EPS15L1: variants seen among roughly 807,000 people sequenced by gnomAD.
The protein encoded by EPS15L1 is epidermal growth factor receptor substrate 15-like 1.
Under a neutral mutation model 117.1 loss-of-function variants are expected in EPS15L1, and 43 were observed. That is an observed-to-expected ratio of 0.37 (90% CI 0.29 to 0.47). EPS15L1 has a LOEUF of 0.47. Ranked by LOEUF, EPS15L1 falls within the 20% of genes least tolerant of loss-of-function variation. The probability of loss-of-function intolerance (pLI) is 0.99; values close to 1 mark genes in which losing one functional copy is unlikely to be tolerated. For missense variants in EPS15L1, 981 were observed against 1,164.0 expected, an observed-to-expected ratio of 0.84 and a Z score of 2.29; for synonymous variants, 459 against 470.5, an observed-to-expected ratio of 0.98 and a Z score of 0.32.
chr19:16,450,729 C>A (rs1288696409), intron 1 of EPS15L1, among the ~76,000 whole-genome samples: 1 of 151,034 alleles, frequency 6.6e-6, no homozygotes, highest in East Asian at 2.0e-4. Context: ...GTGATCCACC[C>A]GCCTCAGCCT....
intron 12 of EPS15L1, among the ~76,000 whole-genome samples, chr19:16,416,533 G>A (rs542294291): frequency 6.6e-6 from 1 of 152,172 alleles, no homozygotes; most frequent in South Asian, 2.1e-4. Context: ...AGCTTCCTGG[G>A]AGGGTGAGTG....
chr19:16,435,825 A>G (rs1315247288), intron 6 of EPS15L1, among the ~76,000 whole-genome samples: 1 of 152,148 alleles, frequency 6.6e-6, no homozygotes. Context: ...CCCCAATTAC[A>G]GCATCTGGTC....
rs535687752 is a variant in EPS15L1, at chr19:16,373,642, C to T, written c.2380+3480G>A. Reference sequence around the variant, plus strand: ...GCTCTTGCCCATAACCAGAGGCCTCCTGGGCTGCACGTGGGTCTGTGCCGT... The same window carrying T: ...GCTCTTGCCCATAACCAGAGGCCTCTTGGGCTGCACGTGGGTCTGTGCCGT... On this transcript the variant is annotated intron_variant, in intron 22 of 23. Coordinates refer to ENST00000455140, the MANE Select transcript of EPS15L1 (RefSeq NM_001258374.3). Among the ~76,000 whole-genome samples the T allele has an allele frequency of 4.6e-5, 7 of 152,308 alleles. No homozygotes were observed. In the South Asian group the frequency reaches 1.2e-3, roughly 27 times the overall value.
intron 1 of EPS15L1, among the ~76,000 whole-genome samples, chr19:16,461,380 G>A (rs1053158789): frequency 4.0e-5 from 6 of 151,726 alleles, no homozygotes; most frequent in Non-Finnish European, 7.4e-5. Context: ...CAGCACTTTC[G>A]GAGGCCGAGG....
intron 1 of EPS15L1, among the ~76,000 whole-genome samples, chr19:16,446,647 T>C (rs545726959): frequency 6.6e-5 from 10 of 152,262 alleles, no homozygotes; most frequent in African/African-American, 2.4e-4. Context: ...TAGGTGGTCC[T>C]GGAGTCAGAC....
intron 21 of EPS15L1, among the ~76,000 whole-genome samples, chr19:16,378,766 G>A (rs550301995): frequency 5.9e-4 from 90 of 152,316 alleles, no homozygotes; most frequent in Middle Eastern, 3.4e-3. Context: ...AGGCGTCTGA[G>A]GGAAGGGGCT....
intron 21 of EPS15L1, among the ~76,000 whole-genome samples, chr19:16,378,785 C>T (rs1478042938): frequency 6.6e-6 from 1 of 152,042 alleles, no homozygotes; most frequent in Non-Finnish European, 1.5e-5. Flanking sequence ...CTGGGGTGTC[C>T]CAGGAGGGAG....
Position 16,425,350 on chromosome 19 carries a change from C to A in EPS15L1, c.559-34G>T, listed in dbSNP as rs201203201. The A allele has an allele frequency of 3.8e-4, 557 of 1,460,206 alleles. 5 individuals carry two copies. The East Asian group carries it at 0.013, about 35-fold the overall frequency. 90.5% of individuals were successfully genotyped at this position (1,460,206 alleles called of 1,614,324 possible). A position where few individuals can be genotyped will look rare whatever the true frequency, so the allele number is the denominator to read the frequency against. On this transcript the variant is annotated intron_variant, in intron 8 of 23. Transcript: ENST00000455140. ...GCAAACAACAATGGCACTGAAGGGG[C>A]AAGGCTGGGGCCGGGACCATCAGGA...
chr19:16,367,299 G>C (rs1341339217), intron 22 of EPS15L1, among the ~76,000 whole-genome samples: 1 of 151,556 alleles, frequency 6.6e-6, no homozygotes, highest in Non-Finnish European at 1.5e-5. Flanking sequence ...AGACCCTCTT[G>C]GGTGTGCTGA....
intron 22 of EPS15L1, among the ~76,000 whole-genome samples, chr19:16,374,983 T>C (rs1333167249): frequency 2.0e-5 from 3 of 152,228 alleles, no homozygotes; most frequent in East Asian, 3.8e-4. Context: ...TGCATGCACA[T>C]ATATAAGCAT....
chr19:16,372,863 C>A (rs1232028922), intron 22 of EPS15L1, among the ~76,000 whole-genome samples: 1 of 152,234 alleles, frequency 6.6e-6, no homozygotes, highest in African/African-American at 2.4e-5. Context: ...CAGAAACCAG[C>A]CTGATCAAGC....
At chr19:16,363,209 G>A (rs1268407183) in intron 22 of EPS15L1, among the ~76,000 whole-genome samples, 4 of 152,142 alleles carry the variant, frequency 2.6e-5, no homozygotes, top group Admixed American at 1.3e-4. Flanking sequence ...GGCATTCAAC[G>A]TGGTCCACGC....
intron 17 of EPS15L1, among the ~76,000 whole-genome samples, chr19:16,395,076 C>T (rs1000130247): frequency 4.6e-5 from 7 of 151,586 alleles, no homozygotes; most frequent in Non-Finnish European, 7.4e-5. Context: ...AAAAATTAGC[C>T]GGGTGCGGTG....
Position 16,404,497 on chromosome 19 carries a change from G to A in EPS15L1, c.1428+91C>T, listed in dbSNP as rs2092635103. The A allele has an allele frequency of 7.1e-7, 1 of 1,404,212 alleles. No individual in the cohort carries two copies. The highest frequency in any genetic ancestry group is 9.9e-7 in the Non-Finnish European group (1 of 1,012,812). The allele number at this position is 1,404,212 out of a possible 1,614,324, so 87.0% of individuals were successfully genotyped here. A position where few individuals can be genotyped will look rare whatever the true frequency, so the allele number is the denominator to read the frequency against. ...TATTGACCCAGTAGGATGTCTAAGT[G>A]TTGTGTTCCCAGGTAACACGAGCTC... is the stretch of plus-strand genomic sequence containing the variant. On this transcript the variant is annotated intron_variant, in intron 14 of 23. Transcript: ENST00000455140. The surrounding 1 kb of genome is among the most constrained non-coding windows in gnomAD (Gnocchi z 4.2).
intron 20 of EPS15L1, among the ~76,000 whole-genome samples, chr19:16,385,740 C>T (rs1315290931): frequency 6.6e-6 from 1 of 152,076 alleles, no homozygotes; most frequent in African/African-American, 2.4e-5. Flanking sequence ...CAGATGCTCC[C>T]ATTGCATAAA....
At chr19:16,448,549 G>T (rs539455739) in intron 1 of EPS15L1, among the ~76,000 whole-genome samples, 15 of 144,712 alleles carry the variant, frequency 1.0e-4, no homozygotes, top group East Asian at 6.6e-4. Flanking sequence ...AAAAAAAAAG[G>T]GGGGGGGAGA....
chr19:16,425,738 G>A (rs914784875), intron 8 of EPS15L1, among the ~76,000 whole-genome samples: 1 of 152,156 alleles, frequency 6.6e-6, no homozygotes, highest in South Asian at 2.1e-4. Flanking sequence ...CCAGGAGATG[G>A]AGGCTGCAGT....
chr19:16,439,435 T>C (rs2093008496), intron 4 of EPS15L1, among the ~76,000 whole-genome samples: 1 of 152,200 alleles, frequency 6.6e-6, no homozygotes, highest in Non-Finnish European at 1.5e-5. Flanking sequence ...CTCATGCCTA[T>C]AATCCCAGCA....
chr19:16,369,816 C>T (rs1436212752), intron 22 of EPS15L1, among the ~76,000 whole-genome samples: 1 of 152,090 alleles, frequency 6.6e-6, no homozygotes, highest in Non-Finnish European at 1.5e-5. Flanking sequence ...TTTGAAAATT[C>T]GCATTTGTTC....
Sources: gnomAD v4.1 joint callset for allele counts (sites outside exome capture counted in the v4.1 genomes callset) on GRCh38, gnomAD v4.1.1 for gene constraint, Gnocchi (gnomAD v3.1) non-coding constraint, MANE v1.5 for transcripts, NCBI Gene and HGNC (gene_info 2026-07-23, HGNC 2026-07-21) for gene names.